Variants in IDO2 observed in about 807,000 individuals in gnomAD.
IDO2 encodes the protein indoleamine 2,3-dioxygenase-like 1 protein.
In IDO2, 46 loss-of-function variants were observed where a neutral mutation model predicts 45.1. The ratio of observed to expected loss-of-function variants is 1.02; its 90% CI spans 0.80 to 1.30. IDO2 has a LOEUF of 1.30. Ranked by LOEUF, IDO2 falls within the 50% of genes most tolerant of loss-of-function variation. The pLI, the probability that IDO2 is intolerant of heterozygous loss-of-function variation, is 0.00. For missense variants in IDO2, 544 were observed against 491.8 expected (o/e 1.11, Z -1.00); for synonymous variants, 218 against 184.9 (o/e 1.18, Z -1.45).
intron 9 of IDO2, among the ~76,000 whole-genome samples, chr8:40,005,942 G>A (rs1802214258): frequency 6.6e-6 from 1 of 152,154 alleles, no homozygotes; most frequent in Non-Finnish European, 1.5e-5. Context: ...CCCTTATAAA[G>A]GGGCTGGAGG....
At chr8:39,989,917 G>C (rs183326620) in intron 8 of IDO2, 79 bp downstream of exon 8, 4 of 884,072 alleles carry the variant, frequency 4.5e-6, no homozygotes, top group Non-Finnish European at 6.9e-6. Flanking sequence ...TGGGGACCAG[G>C]CATGTCCTGA....
At chr8:39,963,091 T>G (rs567794818) in intron 2 of IDO2, among the ~76,000 whole-genome samples, 14 of 152,288 alleles carry the variant, frequency 9.2e-5, no homozygotes, top group South Asian at 8.3e-4. Context: ...GCCTCCTGCC[T>G]CTATCACTTT....
At chr8:40,005,831 TA>T (rs1375583679) in intron 9 of IDO2, among the ~76,000 whole-genome samples, 4 of 152,182 alleles carry the variant, frequency 2.6e-5, no homozygotes. Flanking sequence ...ATTCATATGT[TA>T]AAACCTAATT....
At chr8:39,990,324 C>G (rs552426256) in intron 8 of IDO2, among the ~76,000 whole-genome samples, 2 of 152,216 alleles carry the variant, frequency 1.3e-5, no homozygotes, top group African/African-American at 4.8e-5. Flanking sequence ...CTAGGGCAGG[C>G]TGATTTGTCA....
intron 4 of IDO2, among the ~76,000 whole-genome samples, chr8:39,981,359 G>A (rs946320591): frequency 6.6e-6 from 1 of 151,880 alleles, no homozygotes; most frequent in African/African-American, 2.4e-5. Flanking sequence ...CGTGCCCGGC[G>A]TGCATTTTTA....
At chr8:39,965,959 T>C (rs560760796) in intron 3 of IDO2, among the ~76,000 whole-genome samples, 3 of 151,964 alleles carry the variant, frequency 2.0e-5, no homozygotes, top group African/African-American at 7.3e-5. Context: ...TTTTAAGTCA[T>C]GATGTTTGTG....
chr8:39,934,910 T>C (rs921910987), exon 1 of IDO2: 14 of 553,820 alleles, frequency 2.5e-5, no homozygotes, highest in Non-Finnish European at 3.2e-5. Context: ...GATCATTTGC[T>C]GGTGTCTGCA....
chr8:40,012,474 C>G (rs552182970), intron 9 of IDO2, among the ~76,000 whole-genome samples: 1 of 152,124 alleles, frequency 6.6e-6, no homozygotes, highest in South Asian at 2.1e-4. Context: ...AAAAAAACTC[C>G]AAAAATCTGT....
At chr8:40,016,020 G>T (rs1356687994) in exon 11 of IDO2, 3 of 386,866 alleles carry the variant, frequency 7.8e-6, no homozygotes, top group East Asian at 3.7e-5. Flanking sequence ...CTGCCTCCAA[G>T]ATTAAAACCA....
chr8:39,982,171 A>G (rs919936119), intron 4 of IDO2, among the ~76,000 whole-genome samples: 3 of 151,692 alleles, frequency 2.0e-5, no homozygotes, highest in African/African-American at 7.3e-5. Flanking sequence ...TCATCTATCT[A>G]TCTAGCTAGC....
chr8:39,998,806 A>C (rs1383857304), intron 8 of IDO2, among the ~76,000 whole-genome samples: 1 of 150,470 alleles, frequency 6.6e-6, no homozygotes, highest in Non-Finnish European at 1.5e-5. Flanking sequence ...ACACCCCACT[A>C]ATTTTTTTGT....
chr8:39,989,720 G>T lies in IDO2; in HGVS notation c.550-1G>T, dbSNP rs778898473. 23 of 1,576,670 alleles carry T rather than the reference G, an allele frequency of 1.5e-5. 1 individual carries two copies. In the South Asian group the frequency reaches 2.6e-4, roughly 18 times the overall value. ...GTTGTGTACATGCATCTCATCCCTAGGCTCTTGTTCAGGCCACGAATGCTA... is the reference window on the plus strand; with the variant it reads ...GTTGTGTACATGCATCTCATCCCTATGCTCTTGTTCAGGCCACGAATGCTA... On this transcript the variant is annotated splice_acceptor_variant, in intron 7 of 10. Coordinates refer to ENST00000502986, the Ensembl canonical transcript of IDO2. LOFTEE classifies it high-confidence loss of function.
intron 8 of IDO2, among the ~76,000 whole-genome samples, chr8:40,000,257 CA>C (rs1456447218): frequency 1.3e-5 from 2 of 152,132 alleles, no homozygotes; most frequent in Non-Finnish European, 2.9e-5. Context: ...CCTAAAAATA[CA>C]AAAACTAGCT....
intron 7 of IDO2, among the ~76,000 whole-genome samples, chr8:39,989,171 A>AG (rs1198710442): frequency 1.3e-5 from 2 of 152,116 alleles, no homozygotes; most frequent in African/African-American, 4.8e-5. Context: ...GAGAGAGCAA[A>AG]GGGGGGAGCT....
chr8:39,938,646 A>G (rs1295770162), intron 1 of IDO2, among the ~76,000 whole-genome samples: 2 of 152,170 alleles, frequency 1.3e-5, no homozygotes, highest in African/African-American at 4.8e-5. Flanking sequence ...AGAGAACAAA[A>G]AGACAAGCCA....
intron 8 of IDO2, among the ~76,000 whole-genome samples, chr8:40,004,038 T>C (rs2129595283): frequency 6.6e-6 from 1 of 152,314 alleles, no homozygotes; most frequent in South Asian, 2.1e-4. Flanking sequence ...TTCTTTAATA[T>C]GTTAAGTTGG....
At chr8:39,945,079 A>G (rs1283107681) in intron 1 of IDO2, among the ~76,000 whole-genome samples, 1 of 152,254 alleles carries the variant, frequency 6.6e-6, no homozygotes, top group Non-Finnish European at 1.5e-5. Context: ...TTTACTGTTA[A>G]CTGAAGAATG....
At chr8:40,011,756 T>C (rs997643933) in intron 9 of IDO2, among the ~76,000 whole-genome samples, 2 of 152,240 alleles carry the variant, frequency 1.3e-5, no homozygotes, top group African/African-American at 4.8e-5. Context: ...ACTAATTTAC[T>C]CAGATGAGAA....
At chr8:40,006,979 T>C (rs979321803) in intron 9 of IDO2, among the ~76,000 whole-genome samples, 4 of 152,144 alleles carry the variant, frequency 2.6e-5, no homozygotes, top group African/African-American at 9.7e-5. Flanking sequence ...TACTTTTAGA[T>C]ACTCTCTTTG....
Sources: gnomAD v4.1 joint callset for allele counts (sites outside exome capture counted in the v4.1 genomes callset) on GRCh38, gnomAD v4.1.1 for gene constraint, MANE v1.5 for transcripts, NCBI Gene and HGNC (gene_info 2026-07-23, HGNC 2026-07-21) for gene names.